Variants in MGST2 observed in about 807,000 individuals in gnomAD.
MGST2 encodes microsomal glutathione S-transferase 2, also known as glutathione peroxidase MGST2.
MGST2 carries 9 observed loss-of-function variants against 16.6 expected under a neutral mutation model. That is an observed-to-expected ratio of 0.54 (90% confidence interval 0.33 to 0.95). The LOEUF (loss-of-function observed/expected upper bound fraction) is 0.95. Among genes scored for constraint, MGST2 ranks in the 40% least tolerant of loss-of-function variants. The pLI is 0.03. For synonymous variants in MGST2, 79 were observed against 68.0 expected (o/e 1.16, Z -0.79); for missense variants, 159 against 175.1 (o/e 0.91, Z 0.52).
intron 5 of MGST2, chr4:139,730,539 T>A: frequency 6.4e-7 from 1 of 1,574,588 alleles, no homozygotes; most frequent in East Asian, 2.3e-5. Context: ...TCATGATGGC[T>A]GCTTGGGGCT....
At chr4:139,730,871 G>T (rs1728678939) in intron 5 of MGST2, 2 of 595,614 alleles carry the variant, frequency 3.4e-6, no homozygotes, top group Non-Finnish European at 3.0e-6. Context: ...ACAAGGGACA[G>T]TAAGAGAGCA....
downstream of MGST2, among the ~76,000 whole-genome samples, chr4:139,707,603 T>TGAA (rs1727569844): frequency 1.6e-5 from 2 of 122,008 alleles, no homozygotes; most frequent in South Asian, 5.5e-4. Flanking sequence ...ATGGTATTTC[T>TGAA]AGTTCTAGAT....
downstream of MGST2, among the ~76,000 whole-genome samples, chr4:139,740,935 T>C (rs1729145734): frequency 6.6e-6 from 1 of 152,190 alleles, no homozygotes; most frequent in South Asian, 2.1e-4. Flanking sequence ...ATGTTCTTCC[T>C]TCCTTCCTTC....
the MGST2 span, among the ~76,000 whole-genome samples, chr4:139,749,562 G>T: frequency 1.3e-5 from 2 of 152,162 alleles, no homozygotes; most frequent in African/African-American, 2.4e-5. Flanking sequence ...GGGGTGGGGG[G>T]CGCCGATCAG....
chr4:139,698,949 A>G (rs763518052), intron 3 of MGST2, among the ~76,000 whole-genome samples: 12 of 152,064 alleles, frequency 7.9e-5, no homozygotes, highest in Non-Finnish European at 1.5e-4. Flanking sequence ...TTCTTGTAAT[A>G]TCATAACTTT....
At chr4:139,724,344 G>A (rs886582192) in intron 5 of MGST2, among the ~76,000 whole-genome samples, 11 of 152,158 alleles carry the variant, frequency 7.2e-5, no homozygotes, top group African/African-American at 2.7e-4. Flanking sequence ...AGAAAGAAAA[G>A]TTTCTGATAT....
chr4:139,670,116 G>C (rs745534491), intron 1 of MGST2, among the ~76,000 whole-genome samples: 29 of 152,236 alleles, frequency 1.9e-4, no homozygotes, highest in Non-Finnish European at 4.0e-4. Context: ...AGTTTCAGAG[G>C]ACTGCCCAGC....
intron 2 of MGST2, among the ~76,000 whole-genome samples, chr4:139,690,310 A>AT (rs1186668933): frequency 6.6e-6 from 1 of 151,830 alleles, no homozygotes; most frequent in African/African-American, 2.4e-5. Flanking sequence ...TTTTAAAAAA[A>AT]TTTTATTTTT....
intron 2 of MGST2, among the ~76,000 whole-genome samples, chr4:139,694,021 C>G (rs1726771117): frequency 6.6e-6 from 1 of 152,116 alleles, no homozygotes; most frequent in Admixed American, 6.5e-5. Context: ...ATGCATGTTT[C>G]TTACCCAGCT....
rs536598525 is a variant in MGST2 at position 139,684,407 on chromosome 4, C to A, written c.158+5765C>A. On this transcript the variant is annotated intron_variant, in intron 2 of 4. Coordinates refer to ENST00000265498, the MANE Select transcript of MGST2 (RefSeq NM_002413.5). ...AGGTAAAGAACAAAAGAGGACTGAGCCCTGATGGCATCAGGAGGTCAAGAT... is the reference window on the plus strand; with the variant it reads ...AGGTAAAGAACAAAAGAGGACTGAGACCTGATGGCATCAGGAGGTCAAGAT... Among the ~76,000 whole-genome samples the A allele has an allele frequency of 3.1e-4, 47 of 152,238 alleles. 1 individual carries two copies. Among genetic ancestry groups the A allele is most frequent in the Admixed American group, 2.9e-3 (44 of 15,292 alleles).
At chr4:139,751,001 A>G in the MGST2 span, among the ~76,000 whole-genome samples, 52,844 of 152,118 alleles carry the variant, frequency 0.35, 9,457 homozygotes, top group Admixed American at 0.42. Flanking sequence ...CTGTGATTCA[A>G]TCACTCTTTT....
At chr4:139,746,031 G>A in the MGST2 span, among the ~76,000 whole-genome samples, 2 of 152,158 alleles carry the variant, frequency 1.3e-5, no homozygotes, top group African/African-American at 2.4e-5. Flanking sequence ...AAGTAATAAC[G>A]AAAGTTCTAT....
intron 5 of MGST2, among the ~76,000 whole-genome samples, chr4:139,726,033 C>A (rs977993903): frequency 3.3e-5 from 5 of 152,234 alleles, no homozygotes; most frequent in Admixed American, 2.0e-4. Context: ...ACACTCAGGG[C>A]CACCAGCCCC....
chr4:139,721,325 G>A (rs188557578), intron 5 of MGST2, among the ~76,000 whole-genome samples: 174 of 152,260 alleles, frequency 1.1e-3, no homozygotes, highest in Middle Eastern at 3.4e-3. Flanking sequence ...ACCAGTCAAC[G>A]TTGCAAAGGT....
At chr4:139,752,673 T>C in the MGST2 span, among the ~76,000 whole-genome samples, 1,343 of 152,302 alleles carry the variant, frequency 8.8e-3, 20 homozygotes, top group African/African-American at 0.031. Flanking sequence ...ATAGCATTTA[T>C]ACATATTTCT....
chr4:139,723,719 A>G (rs913107652), intron 5 of MGST2, among the ~76,000 whole-genome samples: 25 of 152,266 alleles, frequency 1.6e-4, no homozygotes, highest in Non-Finnish European at 1.2e-4. Context: ...CCCCACAAAT[A>G]ATACATGAGT....
chr4:139,734,324 C>A (rs761030002), intron 5 of MGST2, among the ~76,000 whole-genome samples: 1 of 152,190 alleles, frequency 6.6e-6, no homozygotes, highest in Non-Finnish European at 1.5e-5. Flanking sequence ...TTTCGTCATG[C>A]GAGATGTAAT....
intron 5 of MGST2, chr4:139,730,356 G>A (rs1728649919): frequency 2.1e-6 from 3 of 1,443,036 alleles, no homozygotes; most frequent in Non-Finnish European, 2.8e-6. Context: ...CAGGCAGCAG[G>A]CAGGTGCTGA....
At chr4:139,736,123 C>A (rs1265913375) in intron 5 of MGST2, among the ~76,000 whole-genome samples, 1 of 151,814 alleles carries the variant, frequency 6.6e-6, no homozygotes, top group Non-Finnish European at 1.5e-5. Context: ...CATACACACA[C>A]ACTCACTCAC....
Sources: allele counts gnomAD v4.1 joint callset (sites outside exome capture counted in the v4.1 genomes callset), GRCh38; gene constraint gnomAD v4.1.1; transcripts MANE v1.5; gene names NCBI Gene and HGNC (gene_info 2026-07-23, HGNC 2026-07-21).